Variants in DTX4 observed in about 807,000 individuals in gnomAD.
DTX4 encodes E3 ubiquitin-protein ligase DTX4.
Under a neutral mutation model 57.6 loss-of-function variants are expected in DTX4, and 28 were observed. The observed-to-expected ratio is 0.49, with a 90% confidence interval of 0.36 to 0.67. The LOEUF (loss-of-function observed/expected upper bound fraction) is 0.67. DTX4 is among the 30% of genes least tolerant of loss of function. The pLI is 0.00. For missense variants in DTX4, 715 were observed against 836.8 expected, an observed-to-expected ratio of 0.85 and a Z score of 1.80; for synonymous variants, 316 against 331.0, an observed-to-expected ratio of 0.95 and a Z score of 0.49.
chr11:59,180,224 C>T (rs991795302), intron 1 of DTX4, among the ~76,000 whole-genome samples: 1 of 152,092 alleles, frequency 6.6e-6, no homozygotes, highest in Non-Finnish European at 1.5e-5. Context: ...CTTTGTTCCC[C>T]AGCAAGCTGC....
chr11:59,194,483 G>A (rs561530571), intron 6 of DTX4, among the ~76,000 whole-genome samples: 2 of 152,276 alleles, frequency 1.3e-5, no homozygotes, highest in South Asian at 2.1e-4. Flanking sequence ...TTCCAAACCT[G>A]TATGAGCATC....
intron 1 of DTX4, among the ~76,000 whole-genome samples, chr11:59,179,049 A>T (rs868686760): frequency 4.4e-5 from 6 of 137,654 alleles, no homozygotes; most frequent in Middle Eastern, 3.6e-3. Context: ...TATTGTGTTT[A>T]AAAAAAAAAA....
In DTX4 at chr11:59,181,707, A is replaced by G. The variant is rs555328446; in HGVS notation, c.212-32A>G. On this transcript the variant is annotated intron_variant, in intron 1 of 8. Transcript: ENST00000227451. ...TGCCACTCAGTGTAATTGCATGCTG[A>G]CTCTGACCTCTCCCCTATCCCACCC... The G allele has an allele frequency of 2.8e-5, 44 of 1,562,534 alleles. 1 individual carries two copies. In the African/African-American group the frequency reaches 2.8e-4, roughly 10 times the overall value.
intron 6 of DTX4, among the ~76,000 whole-genome samples, chr11:59,192,539 A>C (rs1331903525): frequency 3.9e-5 from 6 of 152,038 alleles, no homozygotes; most frequent in Admixed American, 2.0e-4. Flanking sequence ...TTCTGAGGGG[A>C]GTGGCCCATT....
At chr11:59,177,389 T>A (rs1862408939) in intron 1 of DTX4, among the ~76,000 whole-genome samples, 1 of 152,182 alleles carries the variant, frequency 6.6e-6, no homozygotes. Context: ...CTTACCCATT[T>A]TTTTCTCTGT....
chr11:59,172,714 CG>C lies in DTX4; in HGVS notation c.125del (p.Gly42AlafsTer22), dbSNP rs757976768. 6.2e-7 allele frequency: 1 copy of C among 1,602,668 alleles called. No homozygotes were observed. Among genetic ancestry groups the C allele is most frequent in the Non-Finnish European group, 8.5e-7 (1 of 1,176,302 alleles). On this transcript the variant is annotated frameshift_variant, in exon 1 of 9. Coordinates refer to ENST00000227451, the MANE Select transcript of DTX4 (RefSeq NM_015177.2). LOFTEE classifies it high-confidence loss of function. Reference protein sequence around the residue: ...IEAVVRAGPRAGGSVVLGQVD... With the variant: ...IEAVVRAGPRXGGSVVLGQVD... ...GCGGTGGTCCGCGCCGGCCCCCGCG[CG>C]GGGGGCAGCGTGGTGCTGGGCCAGG...
intron 4 of DTX4, among the ~76,000 whole-genome samples, 174 bp downstream of exon 4, chr11:59,189,497 A>G (rs1862570428): frequency 6.6e-6 from 1 of 152,238 alleles, no homozygotes; most frequent in Admixed American, 6.5e-5. Flanking sequence ...GCTGATGTGT[A>G]TGGATCAGAT....
At chr11:59,195,492 C>A in intron 7 of DTX4, 123 bp downstream of exon 7, 2 of 1,148,512 alleles carry the variant, frequency 1.7e-6, no homozygotes, top group Non-Finnish European at 2.4e-6. Context: ...TCTACCCAGC[C>A]TTGCCCGCTG....
intron 6 of DTX4, 80 bp downstream of exon 6, chr11:59,192,330 C>T (rs1203271877): frequency 3.2e-6 from 5 of 1,547,668 alleles, no homozygotes; most frequent in Non-Finnish European, 4.4e-6. Flanking sequence ...CCTTTAGGGC[C>T]CTTGCTCAAG....
At chr11:59,201,304 A>G (rs1193909415) in intron 8 of DTX4, among the ~76,000 whole-genome samples, 2 of 152,138 alleles carry the variant, frequency 1.3e-5, no homozygotes, top group East Asian at 3.9e-4. Flanking sequence ...CAACATAGCA[A>G]TTTCGTGAGG....
rs147059508 is a variant in DTX4 at position 59,186,961 on chromosome 11, C to T, written c.936-1774C>T. On this transcript the variant is annotated intron_variant, in intron 2 of 8. Transcript: ENST00000227451. ...ATTCCCATTCCCACATCTGTTCTTT[C>T]ACATCCATCTCCCAGCATTGGTGCA... Among the ~76,000 whole-genome samples the T allele has an allele frequency of 5.3e-3, 803 of 152,328 alleles. 6 individuals are homozygous for T. Among genetic ancestry groups the T allele is most frequent in the Middle Eastern group, 0.014 (4 of 294 alleles).
At position 59,172,719 on chromosome 11, in the gene DTX4, G is replaced by C. The variant is rs200185979; in HGVS notation, c.124G>C (p.Gly42Arg). The change falls in exon 1 of 9, where the codon GGC (glycine) becomes CGC (arginine). Residue 42 changes from glycine (G) to arginine (R), a missense_variant. Transcript: ENST00000227451. ...GGTCCGCGCCGGCCCCCGCGCGGGGGGCAGCGTGGTGCTGGGCCAGGTGGA... is the reference window on the plus strand; with the variant it reads ...GGTCCGCGCCGGCCCCCGCGCGGGGCGCAGCGTGGTGCTGGGCCAGGTGGA... ...AVVRAGPRAGGSVVLGQVDSR... is the reference protein window; with the variant it reads ...AVVRAGPRAGRSVVLGQVDSR... 1.2e-6 allele frequency: 2 copies of C among 1,603,958 alleles called. No individual in the cohort carries two copies. The highest frequency in any genetic ancestry group is 1.7e-6 in the Non-Finnish European group (2 of 1,176,806).
intron 7 of DTX4, among the ~76,000 whole-genome samples, chr11:59,198,299 G>A (rs2135524980): frequency 6.6e-6 from 1 of 152,312 alleles, no homozygotes; most frequent in South Asian, 2.1e-4. Context: ...CAGATCAGGA[G>A]CAGTCAGAGC....
At chr11:59,191,842 A>C (rs1202975735) in intron 5 of DTX4, among the ~76,000 whole-genome samples, 1 of 152,256 alleles carries the variant, frequency 6.6e-6, no homozygotes, top group Non-Finnish European at 1.5e-5. Context: ...AAACAGAAGG[A>C]CAGTGCATTG....
At chr11:59,172,894 C>T (rs1862346494) in intron 1 of DTX4, 88 bp downstream of exon 1, 2 of 1,077,470 alleles carry the variant, frequency 1.9e-6, no homozygotes, top group Admixed American at 2.9e-5. Context: ...CCACCTTGGC[C>T]ACCTAGTCGG....
Position 59,208,351 on chromosome 11 carries a change from T to A in DTX4, c.*3442T>A, listed in dbSNP as rs1862842782. ...ATATTACCCACCCACACATTTGACC[T>A]GGCTAGACTTTGTTTGCCTAAAGGA... On this transcript the variant is annotated 3_prime_UTR_variant, in exon 9 of 9. Transcript: ENST00000227451. The A allele has an allele frequency of 9.8e-6, 1 of 102,170 alleles. No homozygotes were observed. The highest frequency in any genetic ancestry group is 9.1e-5 in the Admixed American group (1 of 11,022). The allele number at this position is 102,170 out of a possible 1,614,324, so 6.3% of individuals were successfully genotyped here.
In DTX4 at chr11:59,195,196, T is replaced by C; in HGVS notation, c.1375-12T>C. The C allele has an allele frequency of 6.2e-7, 1 of 1,613,982 alleles. No individual in the cohort carries two copies. Among genetic ancestry groups the C allele is most frequent in the South Asian group, 1.1e-5 (1 of 91,084 alleles). ...GTTTCCCAATCTGGCTCTTCTGGCC[T>C]TGGCCCCTCAGGATGGAAGTTTGCA... On this transcript the variant is annotated splice_polypyrimidine_tract_variant and intron_variant, in intron 6 of 8. Transcript: ENST00000227451.
At chr11:59,191,262 CG>C (rs1862594903) in intron 5 of DTX4, 87 bp downstream of exon 5, 4 of 1,350,068 alleles carry the variant, frequency 3.0e-6, no homozygotes, top group Non-Finnish European at 3.1e-6. Flanking sequence ...CAGGATATGG[CG>C]GGGGCTGCAT....
chr11:59,202,800 G>C (rs1198568924), intron 8 of DTX4, among the ~76,000 whole-genome samples: 2 of 152,052 alleles, frequency 1.3e-5, no homozygotes, highest in Admixed American at 6.6e-5. Flanking sequence ...TTAATGACAG[G>C]GATATCATTA....
Sources: gnomAD v4.1 joint callset for allele counts (sites outside exome capture counted in the v4.1 genomes callset) on GRCh38, gnomAD v4.1.1 for gene constraint, MANE v1.5 for transcripts, NCBI Gene and HGNC (gene_info 2026-07-23, HGNC 2026-07-21) for gene names.